Variants in GPR39 observed in about 807,000 individuals in gnomAD.
GPR39 encodes the protein zinc sensing receptor.
A neutral mutation model predicts 18.4 loss-of-function variants in GPR39; 23 were observed. The ratio of observed to expected loss-of-function variants is 1.25; its 90% CI spans 0.90 to 1.77. The LOEUF (loss-of-function observed/expected upper bound fraction) is 1.77, where lower values mean the gene tolerates loss of function less well. GPR39 is among the 40% of genes most tolerant of loss of function. GPR39 has a pLI of 0.00. For missense variants in GPR39, 647 were observed against 602.4 expected (o/e 1.07, Z -0.78); for synonymous variants, 280 against 257.9 (o/e 1.09, Z -0.82).
At chr2:132,642,405 C>T (rs1048500016) in intron 1 of GPR39, among the ~76,000 whole-genome samples, 2 of 152,178 alleles carry the variant, frequency 1.3e-5, no homozygotes, top group African/African-American at 2.4e-5. Context: ...CTACAAACAA[C>T]ACCACAACTC....
chr2:132,461,144 G>A (rs532886990), intron 1 of GPR39, among the ~76,000 whole-genome samples: 1 of 152,246 alleles, frequency 6.6e-6, no homozygotes, highest in South Asian at 2.1e-4. Flanking sequence ...GACCCTTGTG[G>A]GTAGTATTCT....
At chr2:132,465,422 C>T (rs191068844) in intron 1 of GPR39, among the ~76,000 whole-genome samples, 253 of 152,224 alleles carry the variant, frequency 1.7e-3, no homozygotes, top group African/African-American at 5.4e-3. Context: ...TCCCTGTACC[C>T]CCTCTCCAAA....
intron 1 of GPR39, among the ~76,000 whole-genome samples, chr2:132,618,212 G>A (rs373066905): frequency 1.8e-4 from 27 of 152,250 alleles, no homozygotes; most frequent in African/African-American, 6.5e-4. Flanking sequence ...CAGTCCATCC[G>A]GCCACCTGAC....
intron 1 of GPR39, among the ~76,000 whole-genome samples, chr2:132,435,277 G>C (rs1680292709): frequency 6.6e-6 from 1 of 152,056 alleles, no homozygotes; most frequent in African/African-American, 2.4e-5. Flanking sequence ...CCACCCCTGA[G>C]ACAGTAAAAC....
chr2:132,633,748 A>T (rs1037536393), intron 1 of GPR39, among the ~76,000 whole-genome samples: 2 of 151,732 alleles, frequency 1.3e-5, no homozygotes, highest in Admixed American at 6.6e-5. Context: ...ATAGAGGTGA[A>T]TGCTTGGTGA....
intron 1 of GPR39, among the ~76,000 whole-genome samples, chr2:132,640,486 A>G (rs541828310): frequency 6.6e-6 from 1 of 152,372 alleles, no homozygotes; most frequent in Non-Finnish European, 1.5e-5. Context: ...TGTCTGGAGT[A>G]TAATACAGAT....
intron 1 of GPR39, among the ~76,000 whole-genome samples, chr2:132,572,552 A>G (rs533132895): frequency 6.6e-6 from 1 of 151,956 alleles, no homozygotes; most frequent in East Asian, 1.9e-4. Context: ...AAAAAAAAAA[A>G]ACCTCATTCT....
intron 1 of GPR39, among the ~76,000 whole-genome samples, chr2:132,494,984 T>C (rs1440924651): frequency 2.0e-5 from 3 of 152,086 alleles, no homozygotes; most frequent in Non-Finnish European, 4.4e-5. Flanking sequence ...GGGAGCACCC[T>C]GAGGGGATAG....
chr2:132,585,879 C>T (rs1279291596), intron 1 of GPR39, among the ~76,000 whole-genome samples: 2 of 145,246 alleles, frequency 1.4e-5, no homozygotes, highest in African/African-American at 2.6e-5. Flanking sequence ...TTGTTGTTAT[C>T]GTGGGGTACC....
intron 1 of GPR39, among the ~76,000 whole-genome samples, chr2:132,473,575 A>T (rs557103501): frequency 8.5e-4 from 130 of 152,320 alleles, no homozygotes; most frequent in Non-Finnish European, 1.6e-3. Context: ...AAAAGCATTT[A>T]TCAACTCAGT....
At chr2:132,517,222 T>C (rs1465336811) in intron 1 of GPR39, among the ~76,000 whole-genome samples, 1 of 152,030 alleles carries the variant, frequency 6.6e-6, no homozygotes, top group Admixed American at 6.6e-5. Flanking sequence ...GAATATTTTA[T>C]ATATTTACAT....
intron 1 of GPR39, among the ~76,000 whole-genome samples, chr2:132,464,206 C>G (rs1680882313): frequency 6.6e-6 from 1 of 152,170 alleles, no homozygotes; most frequent in Non-Finnish European, 1.5e-5. Flanking sequence ...ACGACATGCC[C>G]AACACTGAGC....
At chr2:132,545,155 T>G (rs944537015) in intron 1 of GPR39, among the ~76,000 whole-genome samples, 1 of 152,208 alleles carries the variant, frequency 6.6e-6, no homozygotes, top group African/African-American at 2.4e-5. Context: ...TTTGTCTGCC[T>G]CCTGCCACTA....
chr2:132,598,601 G>A (rs148338549), intron 1 of GPR39, among the ~76,000 whole-genome samples: 1 of 152,012 alleles, frequency 6.6e-6, no homozygotes, highest in Non-Finnish European at 1.5e-5. Flanking sequence ...CCACTTCCTA[G>A]ATGTGGCACT....
intron 1 of GPR39, among the ~76,000 whole-genome samples, chr2:132,586,700 T>G (rs1680737594): frequency 6.6e-6 from 1 of 152,224 alleles, no homozygotes; most frequent in Non-Finnish European, 1.5e-5. Context: ...ATTAGAGATA[T>G]TCTAGAGGAA....
intron 1 of GPR39, among the ~76,000 whole-genome samples, chr2:132,510,144 GGCTA>G (rs1679213903): frequency 1.3e-5 from 2 of 152,192 alleles, no homozygotes; most frequent in Admixed American, 6.5e-5. Context: ...AGTCCTGACA[GGCTA>G]CTTGAATTTT....
chr2:132,417,011 T>G lies in GPR39; in HGVS notation c.-32T>G. 1 of 1,601,286 alleles carries G rather than the reference T, an allele frequency of 6.2e-7. No individual in the cohort carries two copies. Among genetic ancestry groups the G allele is most frequent in the Non-Finnish European group, 8.5e-7 (1 of 1,172,816 alleles). On this transcript the variant is annotated 5_prime_UTR_variant, in exon 1 of 2. Coordinates refer to ENST00000329321, the MANE Select transcript of GPR39 (RefSeq NM_001508.3). ...GGAGGAGAAAGGGAAGTTGAGAAAG[T>G]CTTTGGACCTGGTAGCCTGGTGCTC...
chr2:132,480,054 G>A (rs1437708171), intron 1 of GPR39, among the ~76,000 whole-genome samples: 2 of 152,192 alleles, frequency 1.3e-5, no homozygotes, highest in African/African-American at 4.8e-5. Context: ...TGGTATATAC[G>A]TGTAGTGGAA....
At chr2:132,539,251 C>T (rs1279775625) in intron 1 of GPR39, among the ~76,000 whole-genome samples, 5 of 152,082 alleles carry the variant, frequency 3.3e-5, no homozygotes, top group South Asian at 2.1e-4. Flanking sequence ...GTATAGTACC[C>T]GGGTAGGTGG....
Sources: gnomAD v4.1 joint callset for allele counts (sites outside exome capture counted in the v4.1 genomes callset) on GRCh38, gnomAD v4.1.1 for gene constraint, MANE v1.5 for transcripts, NCBI Gene and HGNC (gene_info 2026-07-23, HGNC 2026-07-21) for gene names.